Variants in TBC1D32 observed in about 807,000 individuals in gnomAD.
The protein encoded by TBC1D32 is TBC1 domain family member 32, also known as protein broad-minded.
TBC1D32 carries 151 observed loss-of-function variants against 170.3 expected under a neutral mutation model. The observed-to-expected ratio is 0.89, with a 90% CI of 0.78 to 1.01. TBC1D32 has a LOEUF of 1.01. Among genes scored for constraint, TBC1D32 ranks in the 50% least tolerant of loss-of-function variants. The pLI is 0.00. For missense variants in TBC1D32, 1,464 were observed against 1,457.1 expected (o/e 1.00, Z -0.08); for synonymous variants, 498 against 488.0 (o/e 1.02, Z -0.27).
intron 18 of TBC1D32, among the ~76,000 whole-genome samples, chr6:121,241,858 C>A (rs1797023151): frequency 1.3e-5 from 2 of 152,112 alleles, no homozygotes; most frequent in Admixed American, 6.5e-5. Context: ...AGGCCTAAAT[C>A]TTCACTGACA....
intron 21 of TBC1D32, among the ~76,000 whole-genome samples, chr6:121,220,860 C>T (rs1027022927): frequency 1.3e-5 from 2 of 152,058 alleles, no homozygotes; most frequent in East Asian, 1.9e-4. Flanking sequence ...AGGCTGCTCT[C>T]GAACTCCAGA....
rs966300811 is a variant in TBC1D32 at position 121,180,982 on chromosome 6, G to GA, written c.2571-19927dup. Reference sequence around the variant, plus strand: ...ACATACAAATGGCCAAGAGGTATATGAAAAAATGCTTAACATCACTAATCA... The same window carrying GA: ...ACATACAAATGGCCAAGAGGTATATGAAAAAAATGCTTAACATCACTAATCA... On this transcript the variant is annotated intron_variant, in intron 22 of 31. Transcript: ENST00000398212. Among the ~76,000 whole-genome samples, 8 of 151,912 alleles carry GA rather than the reference G, an allele frequency of 5.3e-5. No homozygotes were observed. In the East Asian group the frequency reaches 7.7e-4, roughly 15 times the overall value.
intron 31 of TBC1D32, among the ~76,000 whole-genome samples, chr6:121,083,282 T>C (rs928921395): frequency 3.3e-5 from 5 of 152,090 alleles, no homozygotes; most frequent in Non-Finnish European, 5.9e-5. Flanking sequence ...AACCGTATAG[T>C]ATTTGCTCAA....
chr6:121,223,110 T>C, intron 21 of TBC1D32, 126 bp downstream of exon 21: 1 of 604,740 alleles, frequency 1.7e-6, no homozygotes, highest in Non-Finnish European at 2.8e-6. Flanking sequence ...GCATGATTAA[T>C]CAAATCAGCC....
chr6:121,284,465 T>C (rs1029939646), intron 12 of TBC1D32, among the ~76,000 whole-genome samples: 2 of 152,162 alleles, frequency 1.3e-5, no homozygotes, highest in Non-Finnish European at 1.5e-5. Context: ...TGCACTAAAA[T>C]TTAATGTATA....
chr6:121,200,755 T>C (rs1198740713), intron 22 of TBC1D32, among the ~76,000 whole-genome samples: 2 of 151,484 alleles, frequency 1.3e-5, no homozygotes, highest in East Asian at 1.9e-4. Context: ...AAGTAATTCA[T>C]AGAGCAAGCT....
intron 29 of TBC1D32, among the ~76,000 whole-genome samples, chr6:121,108,038 C>T (rs1047259814): frequency 3.9e-5 from 6 of 152,048 alleles, no homozygotes; most frequent in African/African-American, 9.7e-5. Context: ...AGAATAGATG[C>T]TCAACATATT....
At chr6:121,140,539 T>A (rs1782660784) in intron 24 of TBC1D32, among the ~76,000 whole-genome samples, 2 of 152,186 alleles carry the variant, frequency 1.3e-5, no homozygotes, top group South Asian at 4.1e-4. Context: ...TTTTATATAG[T>A]ATTTGAAAAA....
At chr6:121,199,092 G>A (rs1386856360) in intron 22 of TBC1D32, among the ~76,000 whole-genome samples, 2 of 151,322 alleles carry the variant, frequency 1.3e-5, no homozygotes, top group African/African-American at 4.9e-5. Flanking sequence ...ATCATAATAA[G>A]GGTGTAGATA....
chr6:121,132,003 G>C (rs759976382), intron 24 of TBC1D32, among the ~76,000 whole-genome samples: 1 of 151,870 alleles, frequency 6.6e-6, no homozygotes, highest in Non-Finnish European at 1.5e-5. Context: ...CATAATTCTT[G>C]AATAGTCTTT....
At chr6:121,083,201 T>C (rs1775824390) in intron 31 of TBC1D32, among the ~76,000 whole-genome samples, 1 of 151,990 alleles carries the variant, frequency 6.6e-6, no homozygotes, top group Admixed American at 6.6e-5. Context: ...ATATAAAATA[T>C]AAATGCCTTG....
intron 12 of TBC1D32, among the ~76,000 whole-genome samples, chr6:121,286,153 G>C (rs1803785850): frequency 6.6e-6 from 1 of 152,164 alleles, no homozygotes; most frequent in Non-Finnish European, 1.5e-5. Flanking sequence ...ACTTTGACGA[G>C]TTGAGAGAGG....
intron 3 of TBC1D32, among the ~76,000 whole-genome samples, chr6:121,311,440 T>C (rs1161021665): frequency 6.6e-6 from 1 of 152,062 alleles, no homozygotes; most frequent in African/African-American, 2.4e-5. Context: ...ATAAAAATTA[T>C]AATAGTAGGC....
chr6:121,080,004 C>A lies in TBC1D32; in HGVS notation c.*767G>T, dbSNP rs1489529036. The A allele has an allele frequency of 1.3e-5, 2 of 152,160 alleles. No homozygotes were observed. The highest frequency in any genetic ancestry group is 4.8e-5 in the African/African-American group (2 of 41,458). 9.4% of individuals were successfully genotyped at this position (152,160 alleles called of 1,614,324 possible). On this transcript the variant is annotated 3_prime_UTR_variant, in exon 32 of 32. Coordinates refer to ENST00000398212, the MANE Select transcript of TBC1D32 (RefSeq NM_152730.6). ...TACCACTTGCCATGGTAAATAGTAT[C>A]ATTGTTCTTCCACATGTAAAAGAAG...
At chr6:121,197,223 G>A (rs1352540032) in intron 22 of TBC1D32, among the ~76,000 whole-genome samples, 1 of 152,168 alleles carries the variant, frequency 6.6e-6, no homozygotes, top group Non-Finnish European at 1.5e-5. Context: ...GCATCTCTTA[G>A]TATTACCATG....
intron 24 of TBC1D32, among the ~76,000 whole-genome samples, chr6:121,147,918 C>T (rs201733342): frequency 1.3e-4 from 18 of 136,750 alleles, no homozygotes; most frequent in Non-Finnish European, 1.6e-4. Context: ...ACTTGTATGT[C>T]TTTTTTTTTT....
chr6:121,109,594 A>G (rs1198542959), intron 29 of TBC1D32, among the ~76,000 whole-genome samples: 2 of 152,162 alleles, frequency 1.3e-5, no homozygotes, highest in African/African-American at 4.8e-5. Flanking sequence ...CCAAACTCTG[A>G]TTCTTGATCA....
rs117296048 is a variant in TBC1D32 at position 121,123,424 on chromosome 6, G to A, written c.2983+2954C>T. 1.8e-4 allele frequency among the ~76,000 whole-genome samples: 27 copies of A among 152,048 alleles called. No homozygotes were observed. The East Asian group carries it at 5.2e-3, about 29-fold the overall frequency. ...ATGAATCTGGGTGCTCCAGTGTTAG[G>A]TGCATGTATATTTATTACTGTTATA... On this transcript the variant is annotated intron_variant, in intron 26 of 31. Coordinates refer to ENST00000398212, the MANE Select transcript of TBC1D32 (RefSeq NM_152730.6).
At chr6:121,099,153 C>G (rs1777736987) in intron 30 of TBC1D32, among the ~76,000 whole-genome samples, 1 of 151,818 alleles carries the variant, frequency 6.6e-6, no homozygotes, top group Non-Finnish European at 1.5e-5. Context: ...CTGTGTTAGC[C>G]TAATTGTTGA....
Sources: gnomAD v4.1 joint callset for allele counts (sites outside exome capture counted in the v4.1 genomes callset) on GRCh38, gnomAD v4.1.1 for gene constraint, MANE v1.5 for transcripts, NCBI Gene and HGNC (gene_info 2026-07-23, HGNC 2026-07-21) for gene names.